The following CHN1 variants were observed in gnomAD, a reference collection of about 807,000 sequenced individuals.
CHN1 encodes the protein chimerin 1, also known as N-chimaerin.
In CHN1, 37 loss-of-function variants were observed where a neutral mutation model predicts 59.5. That is an observed-to-expected ratio of 0.62 (90% CI 0.48 to 0.82). CHN1 has a LOEUF of 0.82. Ranked by LOEUF, CHN1 falls within the 40% of genes least tolerant of loss-of-function variation. The pLI is 0.00. For synonymous variants in CHN1, 206 were observed against 200.4 expected (o/e 1.03, Z -0.24); for missense variants, 469 against 571.0 (o/e 0.82, Z 1.82).
chr2:174,977,973 G>T (rs1691005309), intron 1 of CHN1, among the ~76,000 whole-genome samples: 1 of 151,982 alleles, frequency 6.6e-6, no homozygotes, highest in African/African-American at 2.4e-5. Context: ...TGTTTTCTTT[G>T]TTCTGTGGAA....
intron 1 of CHN1, among the ~76,000 whole-genome samples, chr2:174,979,464 C>T (rs1691065774): frequency 6.6e-6 from 1 of 152,172 alleles, no homozygotes; most frequent in African/African-American, 2.4e-5. Context: ...ACTCAGGAAA[C>T]CTGCTTATTG....
intron 2 of CHN1, among the ~76,000 whole-genome samples, chr2:174,950,773 A>G (rs1423063704): frequency 6.8e-6 from 1 of 147,584 alleles, no homozygotes; most frequent in African/African-American, 2.6e-5. Context: ...GAAAATGCAG[A>G]GAAGTTTTTT....
chr2:174,842,023 C>T (rs1397917639), intron 7 of CHN1, among the ~76,000 whole-genome samples: 1 of 152,102 alleles, frequency 6.6e-6, no homozygotes, highest in African/African-American at 2.4e-5. Flanking sequence ...TAAAAGAAAA[C>T]ATTGTAACAA....
intron 5 of CHN1, among the ~76,000 whole-genome samples, chr2:174,896,798 C>T (rs995740904): frequency 8.5e-5 from 13 of 152,072 alleles, no homozygotes; most frequent in Non-Finnish European, 1.3e-4. Context: ...GTTTCCAACA[C>T]CACTGTACTT....
chr2:174,820,027 G>A (rs1248379254), intron 8 of CHN1, among the ~76,000 whole-genome samples: 2 of 151,900 alleles, frequency 1.3e-5, no homozygotes, highest in Non-Finnish European at 2.9e-5. Context: ...GTATTCCATG[G>A]TGTATATGTG....
Position 174,800,290 on chromosome 2 carries a change from G to C in CHN1, c.1209-3C>G. 1.4e-6 allele frequency: 2 copies of C among 1,427,864 alleles called. No homozygotes were observed. Among genetic ancestry groups the C allele is most frequent in the Non-Finnish European group, 1.8e-6 (2 of 1,088,530 alleles). The allele number at this position is 1,427,864 out of a possible 1,614,324, so 88.4% of individuals were successfully genotyped here. A position where few individuals can be genotyped will look rare whatever the true frequency, so the allele number is the denominator to read the frequency against. Reference sequence around the variant, plus strand: ...TCTCCTTTTCGTGGAGGGTCACTCTGAAAAATGCAAGTACAGGAATAAATG... The same window carrying C: ...TCTCCTTTTCGTGGAGGGTCACTCTCAAAAATGCAAGTACAGGAATAAATG... On this transcript the variant is annotated splice_polypyrimidine_tract_variant and splice_region_variant and intron_variant, in intron 12 of 12. Transcript: ENST00000409900.
intron 1 of CHN1, among the ~76,000 whole-genome samples, chr2:175,000,371 T>G (rs1487327743): frequency 6.6e-6 from 1 of 151,498 alleles, no homozygotes. Flanking sequence ...ACTCCCGACC[T>G]CAAGTGATCA....
Position 174,812,982 on chromosome 2 carries a change from T to C in CHN1, c.713-500A>G, listed in dbSNP as rs370200737. ...TCCTTTCTATATATATGATAACTAA[T>C]ATATAATTCCTCTAGTAGCTGGAAA... On this transcript the variant is annotated intron_variant, in intron 8 of 12. Transcript: ENST00000409900. Among the ~76,000 whole-genome samples the C allele has an allele frequency of 1.2e-4, 18 of 152,306 alleles. No homozygotes were observed. The East Asian group carries it at 3.3e-3, about 28-fold the overall frequency.
chr2:174,984,917 C>T (rs1691289320), intron 1 of CHN1, among the ~76,000 whole-genome samples: 1 of 152,134 alleles, frequency 6.6e-6, no homozygotes, highest in Non-Finnish European at 1.5e-5. Flanking sequence ...CTTCAACAAA[C>T]CTTCACAAGA....
At chr2:174,914,264 G>A (rs529864081) in intron 5 of CHN1, among the ~76,000 whole-genome samples, 1 of 152,244 alleles carries the variant, frequency 6.6e-6, no homozygotes, top group South Asian at 2.1e-4. Context: ...TACAAGTTGG[G>A]TTATTATTGC....
At chr2:174,868,148 CTT>C (rs1485304952) in intron 6 of CHN1, among the ~76,000 whole-genome samples, 1 of 151,920 alleles carries the variant, frequency 6.6e-6, no homozygotes, top group Non-Finnish European at 1.5e-5. Flanking sequence ...GGAAAAATAT[CTT>C]AAATTTATTA....
chr2:174,831,148 T>C (rs1030410813), intron 7 of CHN1, among the ~76,000 whole-genome samples: 1 of 152,276 alleles, frequency 6.6e-6, no homozygotes, highest in African/African-American at 2.4e-5. Flanking sequence ...ATAAAAATGG[T>C]TTATGTTAAT....
intron 10 of CHN1, among the ~76,000 whole-genome samples, chr2:174,809,783 T>C (rs372815316): frequency 6.6e-6 from 1 of 152,354 alleles, no homozygotes; most frequent in African/African-American, 2.4e-5. Context: ...GTTTCTTTAC[T>C]TTCTGCTCTT....
At chr2:174,975,936 A>G (rs982538852) in intron 1 of CHN1, among the ~76,000 whole-genome samples, 1 of 150,176 alleles carries the variant, frequency 6.7e-6, no homozygotes, top group Non-Finnish European at 1.5e-5. Flanking sequence ...CCTGGCTAAC[A>G]TGGTGAAACC....
At chr2:174,967,635 G>C (rs896642751) in intron 1 of CHN1, among the ~76,000 whole-genome samples, 3 of 152,070 alleles carry the variant, frequency 2.0e-5, no homozygotes, top group African/African-American at 4.8e-5. Flanking sequence ...CTTTTTATAA[G>C]TACAAGTTCT....
intron 6 of CHN1, among the ~76,000 whole-genome samples, chr2:174,872,987 G>A (rs184989318): frequency 1.1e-4 from 16 of 151,600 alleles, no homozygotes; most frequent in Middle Eastern, 6.9e-3. Flanking sequence ...AGGAGGTTAA[G>A]GACTTGTTCA....
rs1574083117 is a variant in CHN1 at position 174,846,371 on chromosome 2, A to G, written c.627+509T>C. ...GAAGCTGCTAGTGTCAGCAGCATCA[A>G]CAGTCCCATGGTAGCCATCCTCCTT... On this transcript the variant is annotated intron_variant, in intron 7 of 12. Transcript: ENST00000409900. 5.2e-6 allele frequency: 8 copies of G among 1,549,018 alleles called. No homozygotes were observed. The South Asian group carries it at 7.2e-5, about 14-fold the overall frequency.
At chr2:174,885,063 G>A (rs938596652) in intron 5 of CHN1, among the ~76,000 whole-genome samples, 5 of 151,760 alleles carry the variant, frequency 3.3e-5, no homozygotes, top group Admixed American at 1.3e-4. Context: ...CAAGGTGGGC[G>A]GATCACGAGG....
intron 3 of CHN1, among the ~76,000 whole-genome samples, chr2:174,927,269 A>T (rs1689198266): frequency 6.6e-6 from 1 of 152,020 alleles, no homozygotes; most frequent in Non-Finnish European, 1.5e-5. Flanking sequence ...CATTGCCTAG[A>T]CTGGTCTTGA....
Sources: allele counts gnomAD v4.1 joint callset (sites outside exome capture counted in the v4.1 genomes callset), GRCh38; gene constraint gnomAD v4.1.1; transcripts MANE v1.5; gene names NCBI Gene and HGNC (gene_info 2026-07-23, HGNC 2026-07-21).